RUBCNL: variants seen among roughly 807,000 people sequenced by gnomAD.
The protein encoded by RUBCNL is rubicon like autophagy enhancer.
In RUBCNL, 62 loss-of-function variants were observed where a neutral mutation model predicts 69.5. The ratio of observed to expected loss-of-function variants is 0.89; its 90% CI spans 0.73 to 1.10. RUBCNL has a LOEUF of 1.10. RUBCNL is among the 50% of genes least tolerant of loss of function. The pLI is 0.00. For synonymous variants in RUBCNL, 291 were observed against 303.6 expected (o/e 0.96, Z 0.43); for missense variants, 768 against 798.1 (o/e 0.96, Z 0.45).
chr13:46,355,294 CT>C (rs34432929), intron 10 of RUBCNL, among the ~76,000 whole-genome samples: 44,944 of 126,116 alleles, frequency 0.36, 6,321 homozygotes, highest in East Asian at 0.52. Context: ...AAAGCCCGAG[CT>C]TTTTTTTTTT....
In RUBCNL at chr13:46,364,496, G is replaced by C. The variant is rs557094357; in HGVS notation, c.827-1283C>G. Among the ~76,000 whole-genome samples the C allele has an allele frequency of 5.3e-5, 8 of 152,232 alleles. No individual in the cohort carries two copies. The East Asian group carries it at 1.5e-3, about 29-fold the overall frequency. On this transcript the variant is annotated intron_variant, in intron 5 of 14. Coordinates refer to ENST00000429979, the MANE Select transcript of RUBCNL (RefSeq NM_025113.5). ...TGACGATGGACAACCACCACTTCCAGCTGCAGTTTCCTCATGGATAGAATG... is the reference window on the plus strand; with the variant it reads ...TGACGATGGACAACCACCACTTCCACCTGCAGTTTCCTCATGGATAGAATG...
intron 5 of RUBCNL, among the ~76,000 whole-genome samples, chr13:46,366,157 C>T (rs1219769820): frequency 1.3e-5 from 2 of 152,208 alleles, no homozygotes; most frequent in Non-Finnish European, 2.9e-5. Context: ...TTTCTCCCTA[C>T]TGGTAGCCTC....
Position 46,350,260 on chromosome 13 carries a change from T to G in RUBCNL, c.1422A>C (p.Arg474=). 1 of 1,591,034 alleles carries G rather than the reference T, an allele frequency of 6.3e-7. No individual in the cohort carries two copies. The highest frequency in any genetic ancestry group is 8.6e-7 in the Non-Finnish European group (1 of 1,168,368). ...HSYAESCIPA[R]ILMMWDFKKY... Reference sequence around the variant, plus strand: ...TCTTGAAGTCCCACATCATCAGGATTCGGGCAGGGATGCACGACTCTGCAT... The same window carrying G: ...TCTTGAAGTCCCACATCATCAGGATGCGGGCAGGGATGCACGACTCTGCAT... The change falls in exon 11 of 15, where the codon CGA becomes CGC. Residue 474 remains arginine (R), a synonymous_variant. Transcript: ENST00000429979.
At chr13:46,356,567 G>T (rs968775709) in intron 9 of RUBCNL, 71 bp from the exon 10 acceptor site, 6 of 1,327,964 alleles carry the variant, frequency 4.5e-6, no homozygotes, top group South Asian at 1.3e-5. Context: ...AATTAGAAAA[G>T]AAATTGCCAT....
At chr13:46,376,529 A>T (rs2048998391) in intron 2 of RUBCNL, among the ~76,000 whole-genome samples, 1 of 152,054 alleles carries the variant, frequency 6.6e-6, no homozygotes, top group Admixed American at 6.6e-5. Context: ...CTGACCTCAA[A>T]TCCCACCTTG....
At chr13:46,345,637 A>G (rs1312768504) in intron 12 of RUBCNL, 37 bp from the exon 13 acceptor site, 1 of 1,606,978 alleles carries the variant, frequency 6.2e-7, no homozygotes. Flanking sequence ...TCAGAAACCC[A>G]CCCACACAGA....
chr13:46,356,891 AC>A (rs1185022475), intron 9 of RUBCNL, among the ~76,000 whole-genome samples: 1 of 129,958 alleles, frequency 7.7e-6, no homozygotes, highest in African/African-American at 2.9e-5. Flanking sequence ...GGCTTTATTT[AC>A]TTTTTTTTTT....
intron 1 of RUBCNL, among the ~76,000 whole-genome samples, chr13:46,382,586 G>GC (rs1256900044): frequency 6.6e-6 from 1 of 152,160 alleles, no homozygotes; most frequent in Admixed American, 6.5e-5. Flanking sequence ...AGGCTGGAGT[G>GC]CAGTGGCATG....
chr13:46,383,971 A>T (rs2049178623), intron 1 of RUBCNL, among the ~76,000 whole-genome samples: 1 of 152,134 alleles, frequency 6.6e-6, no homozygotes, highest in Non-Finnish European at 1.5e-5. Flanking sequence ...AATCTTGTGG[A>T]CTCAAATATC....
At position 46,364,974 on chromosome 13, in the gene RUBCNL, AAAG is replaced by A. The variant is rs202079373; in HGVS notation, c.827-1764_827-1762del. 9.5e-4 allele frequency among the ~76,000 whole-genome samples: 144 copies of A among 152,254 alleles called. 3 individuals carry two copies. The East Asian group carries it at 0.026, about 27-fold the overall frequency. On this transcript the variant is annotated intron_variant, in intron 5 of 14. Transcript: ENST00000429979. ...AAGGCATTATACTAAACACAAATACAAAGAAGACAATTTCTCAGCCATCTAAGA... is the reference window on the plus strand; with the variant it reads ...AAGGCATTATACTAAACACAAATACAAAGACAATTTCTCAGCCATCTAAGA...
At chr13:46,379,009 T>C (rs2049060703) in intron 1 of RUBCNL, among the ~76,000 whole-genome samples, 1 of 152,232 alleles carries the variant, frequency 6.6e-6, no homozygotes, top group African/African-American at 2.4e-5. Context: ...TCTATTTCTC[T>C]CTTTAGCACA....
intron 3 of RUBCNL, among the ~76,000 whole-genome samples, chr13:46,370,244 A>G (rs906516128): frequency 6.6e-6 from 1 of 152,240 alleles, no homozygotes; most frequent in African/African-American, 2.4e-5. Context: ...TAAGGAGATA[A>G]AGGAAGGTGA....
intron 10 of RUBCNL, chr13:46,350,951 G>T (rs1448493668): frequency 6.6e-6 from 1 of 152,244 alleles, no homozygotes; most frequent in African/African-American, 2.4e-5. Context: ...AACAATCTCA[G>T]AAACAAAAAA....
At chr13:46,362,156 G>A (rs1185282162) in intron 7 of RUBCNL, among the ~76,000 whole-genome samples, 1 of 152,036 alleles carries the variant, frequency 6.6e-6, no homozygotes, top group Non-Finnish European at 1.5e-5. Context: ...AGAATTGCTT[G>A]AACCCAGGAG....
chr13:46,353,048 T>A (rs1349644770), intron 10 of RUBCNL, among the ~76,000 whole-genome samples: 1 of 152,064 alleles, frequency 6.6e-6, no homozygotes, highest in African/African-American at 2.4e-5. Flanking sequence ...CAGGCAGGAT[T>A]CCAACCCAAG....
intron 7 of RUBCNL, among the ~76,000 whole-genome samples, chr13:46,361,973 C>T (rs758490212): frequency 1.2e-4 from 18 of 151,902 alleles, no homozygotes; most frequent in Non-Finnish European, 2.4e-4. Flanking sequence ...CACCTGTAAT[C>T]CCAGAATTTT....
chr13:46,351,828 CTTT>C (rs57329384), intron 10 of RUBCNL, among the ~76,000 whole-genome samples: 2 of 129,810 alleles, frequency 1.5e-5, no homozygotes, highest in Non-Finnish European at 1.6e-5. Flanking sequence ...GCTCTTTACA[CTTT>C]TTTTTTTTTT....
Position 46,336,465 on chromosome 13 carries a change from A to T in RUBCNL, c.*6920T>A, listed in dbSNP as rs987743704. Among the ~76,000 whole-genome samples, 6 of 152,244 alleles carry T rather than the reference A, an allele frequency of 3.9e-5. No homozygotes were observed. Among genetic ancestry groups the T allele is most frequent in the Admixed American group, 3.9e-4 (6 of 15,284 alleles). On this transcript the variant is annotated 3_prime_UTR_variant, in exon 15 of 15. Transcript: ENST00000429979. ...CTAGTCTATATGGTAAAATTTACAA[A>T]GAAAATTTTTGAAAATTATTCTAAT...
intron 9 of RUBCNL, among the ~76,000 whole-genome samples, chr13:46,356,943 G>C (rs971495678): frequency 4.1e-5 from 6 of 147,780 alleles, no homozygotes; most frequent in African/African-American, 1.2e-4. Context: ...TGCCCACACT[G>C]GTTTCGAACT....
Sources: gnomAD v4.1 joint callset for allele counts (sites outside exome capture counted in the v4.1 genomes callset) on GRCh38, gnomAD v4.1.1 for gene constraint, MANE v1.5 for transcripts, NCBI Gene and HGNC (gene_info 2026-07-23, HGNC 2026-07-21) for gene names.